Variants in XKR4 observed in about 807,000 individuals in gnomAD.
XKR4 encodes the protein XK-related protein 4.
Under a neutral mutation model 53.9 loss-of-function variants are expected in XKR4, and 12 were observed. The ratio of observed to expected loss-of-function variants is 0.22; its 90% CI spans 0.14 to 0.36. XKR4 has a LOEUF of 0.36. XKR4 is among the 10% of genes least tolerant of loss of function. The pLI is 1.00. For synonymous variants in XKR4, 354 were observed against 362.4 expected, an observed-to-expected ratio of 0.98 and a Z score of 0.26; for missense variants, 799 against 859.5, an observed-to-expected ratio of 0.93 and a Z score of 0.88.
chr8:55,368,025 A>G (rs1237878756), intron 2 of XKR4, among the ~76,000 whole-genome samples: 1 of 152,104 alleles, frequency 6.6e-6, no homozygotes, highest in East Asian at 1.9e-4. Context: ...CAGTGGCACA[A>G]TCTCGGCTCA....
intron 1 of XKR4, among the ~76,000 whole-genome samples, chr8:55,193,100 G>GA (rs397935920): frequency 7.0e-6 from 1 of 142,478 alleles, no homozygotes; most frequent in Admixed American, 7.0e-5. Context: ...GTCTTCGGAT[G>GA]AAAAAAATTC....
At chr8:55,135,492 ACTCT>A (rs1401966763) in intron 1 of XKR4, 2 of 410,192 alleles carry the variant, frequency 4.9e-6, no homozygotes, top group Non-Finnish European at 1.0e-5. Context: ...CGGTGGCTTC[ACTCT>A]TTGTCCATCT....
chr8:55,121,817 G>A (rs937798444), intron 1 of XKR4, among the ~76,000 whole-genome samples: 1 of 137,938 alleles, frequency 7.2e-6, no homozygotes, highest in Non-Finnish European at 1.5e-5. Flanking sequence ...AAAAAGGCAC[G>A]GCACAAATAC....
chr8:55,153,348 G>T (rs963139921), intron 1 of XKR4, among the ~76,000 whole-genome samples: 5 of 152,180 alleles, frequency 3.3e-5, no homozygotes, highest in Admixed American at 6.5e-5. Context: ...ATATAAGAGA[G>T]AATGAATTAG....
At chr8:55,402,039 T>C (rs1411930467) in intron 2 of XKR4, among the ~76,000 whole-genome samples, 1 of 152,244 alleles carries the variant, frequency 6.6e-6, no homozygotes, top group Non-Finnish European at 1.5e-5. Context: ...CACGTCTGGC[T>C]AATAATAGAT....
At chr8:55,341,993 G>A (rs1803555824) in intron 1 of XKR4, among the ~76,000 whole-genome samples, 1 of 151,716 alleles carries the variant, frequency 6.6e-6, no homozygotes, top group Non-Finnish European at 1.5e-5. Flanking sequence ...CCTTAGACTG[G>A]ACCTGAATTC....
chr8:55,292,553 T>G (rs1804279519), intron 1 of XKR4, among the ~76,000 whole-genome samples: 2 of 152,190 alleles, frequency 1.3e-5, no homozygotes, highest in African/African-American at 4.8e-5. Context: ...TTACCCAAAC[T>G]TGATAAAGAT....
At chr8:55,423,073 A>G (rs2928998) in intron 2 of XKR4, among the ~76,000 whole-genome samples, 46,401 of 151,924 alleles carry the variant, frequency 0.31, 8,344 homozygotes, top group East Asian at 0.43. Flanking sequence ...CACATCTTGA[A>G]AGTTATCGTA....
At chr8:55,192,118 C>T (rs952078469) in intron 1 of XKR4, among the ~76,000 whole-genome samples, 7 of 151,472 alleles carry the variant, frequency 4.6e-5, no homozygotes, top group African/African-American at 1.7e-4. Context: ...TTACTTTTCA[C>T]TACTATATAC....
intron 2 of XKR4, chr8:55,454,586 G>A: frequency 7.0e-7 from 1 of 1,424,204 alleles, no homozygotes; most frequent in South Asian, 1.2e-5. Context: ...TGGATGACCT[G>A]CCGGTCACCA....
At chr8:55,204,024 G>A (rs548109001) in intron 1 of XKR4, among the ~76,000 whole-genome samples, 5 of 152,106 alleles carry the variant, frequency 3.3e-5, no homozygotes, top group African/African-American at 1.2e-4. Context: ...TTGTTTGTTC[G>A]TTTTTAGACA....
chr8:55,231,044 G>A (rs1818032619), intron 1 of XKR4, among the ~76,000 whole-genome samples: 1 of 152,090 alleles, frequency 6.6e-6, no homozygotes, highest in South Asian at 2.1e-4. Context: ...TTTCCTTCCT[G>A]CTCTTTAAAA....
Position 55,536,037 on chromosome 8 carries a change from T to C in XKR4, c.*11810T>C, listed in dbSNP as rs1261455726. 6 of 152,202 alleles carry C rather than the reference T, an allele frequency of 3.9e-5. No homozygotes were observed. The East Asian group carries it at 5.8e-4, about 15-fold the overall frequency. The allele number at this position is 152,202 out of a possible 1,614,324, so 9.4% of individuals were successfully genotyped here. Reference sequence around the variant, plus strand: ...ACAGCAATGAGATTCAGGGTTACCATGGCCTTACTCATCTTCCCATTGTAA... The same window carrying C: ...ACAGCAATGAGATTCAGGGTTACCACGGCCTTACTCATCTTCCCATTGTAA... On this transcript the variant is annotated 3_prime_UTR_variant, in exon 3 of 3. Transcript: ENST00000327381.
At chr8:55,360,908 C>G (rs1454898477) in intron 2 of XKR4, among the ~76,000 whole-genome samples, 1 of 152,200 alleles carries the variant, frequency 6.6e-6, no homozygotes, top group Non-Finnish European at 1.5e-5. Flanking sequence ...CTGACAGGCC[C>G]AGGGAGAACT....
At chr8:55,489,328 AT>A (rs1440411504) in intron 2 of XKR4, among the ~76,000 whole-genome samples, 2 of 152,154 alleles carry the variant, frequency 1.3e-5, no homozygotes, top group African/African-American at 4.8e-5. Flanking sequence ...TAGTCTATTA[AT>A]TTTTTAAAGA....
intron 1 of XKR4, among the ~76,000 whole-genome samples, chr8:55,352,309 G>C (rs1388659671): frequency 6.6e-6 from 1 of 152,228 alleles, no homozygotes; most frequent in South Asian, 2.1e-4. Flanking sequence ...GCAAAGGCAC[G>C]AGGTGTGGAT....
chr8:55,287,700 T>C (rs796598072), intron 1 of XKR4, among the ~76,000 whole-genome samples: 6 of 152,302 alleles, frequency 3.9e-5, no homozygotes, highest in African/African-American at 1.4e-4. Context: ...TCAGCCCTCC[T>C]TTTCCTTCCT....
chr8:55,516,644 A>G (rs1806718657), intron 2 of XKR4, among the ~76,000 whole-genome samples: 6 of 152,258 alleles, frequency 3.9e-5, no homozygotes, highest in Admixed American at 3.3e-4. Context: ...AAGGATGTGG[A>G]GAAAAGGGAA....
chr8:55,262,368 G>A (rs1166165148), intron 1 of XKR4, among the ~76,000 whole-genome samples: 1 of 152,152 alleles, frequency 6.6e-6, no homozygotes, highest in Non-Finnish European at 1.5e-5. Context: ...CTAATAAGTG[G>A]TTATTATGGA....
Sources: allele counts gnomAD v4.1 joint callset (sites outside exome capture counted in the v4.1 genomes callset), GRCh38; gene constraint gnomAD v4.1.1; transcripts MANE v1.5; gene names NCBI Gene and HGNC (gene_info 2026-07-23, HGNC 2026-07-21).